The following CTNNA3 variants were observed in gnomAD, a reference collection of about 807,000 sequenced individuals.
The protein encoded by CTNNA3 is catenin alpha 3, also known as catenin alpha-3.
In CTNNA3, 76 loss-of-function variants were observed where a neutral mutation model predicts 95.7. That is an observed-to-expected ratio of 0.79 (90% confidence interval 0.66 to 0.96). The LOEUF is 0.96. Ranked by LOEUF, CTNNA3 falls within the 40% of genes least tolerant of loss-of-function variation. The pLI is 0.00. For synonymous variants in CTNNA3, 431 were observed against 374.4 expected, an observed-to-expected ratio of 1.15 and a Z score of -1.74; for missense variants, 1,191 against 1,089.8, an observed-to-expected ratio of 1.09 and a Z score of -1.31.
chr10:66,878,152 T>C (rs145535763), intron 7 of CTNNA3, among the ~76,000 whole-genome samples: 113 of 152,300 alleles, frequency 7.4e-4, no homozygotes, highest in African/African-American at 2.6e-3. Flanking sequence ...TTTTTTTCCA[T>C]GAATGGGCAT....
chr10:67,046,471 C>T (rs959563006), intron 7 of CTNNA3, among the ~76,000 whole-genome samples: 3 of 152,166 alleles, frequency 2.0e-5, no homozygotes, highest in Non-Finnish European at 4.4e-5. Flanking sequence ...AGCTAATAGA[C>T]ATTGCCACGA....
At chr10:66,797,973 C>T (rs1841277499) in intron 7 of CTNNA3, among the ~76,000 whole-genome samples, 1 of 151,840 alleles carries the variant, frequency 6.6e-6, no homozygotes, top group South Asian at 2.1e-4. Context: ...TCCATATATG[C>T]ATCCAGATTG....
At chr10:66,062,204 C>T (rs1296517095) in intron 15 of CTNNA3, among the ~76,000 whole-genome samples, 1 of 152,124 alleles carries the variant, frequency 6.6e-6, no homozygotes, top group Non-Finnish European at 1.5e-5. Flanking sequence ...GTTTAGCTAT[C>T]ATTATGTCTT....
At chr10:66,333,085 AT>A (rs2092350858) in intron 12 of CTNNA3, among the ~76,000 whole-genome samples, 1 of 151,578 alleles carries the variant, frequency 6.6e-6, no homozygotes, top group South Asian at 2.1e-4. Context: ...CCCCTTTATC[AT>A]TTTTTATTGA....
At chr10:67,328,743 T>C (rs12414991) in intron 5 of CTNNA3, among the ~76,000 whole-genome samples, 7,976 of 152,280 alleles carry the variant, frequency 0.052, 244 homozygotes, top group South Asian at 0.097. Context: ...CCTTTATCTC[T>C]GAAGATGTGT....
intron 1 of CTNNA3, among the ~76,000 whole-genome samples, chr10:67,722,038 G>A (rs971256187): frequency 2.0e-5 from 3 of 152,126 alleles, no homozygotes; most frequent in Non-Finnish European, 2.9e-5. Context: ...TGGTCTTGCC[G>A]GGAGCTGCAG....
intron 15 of CTNNA3, among the ~76,000 whole-genome samples, chr10:66,065,085 A>C (rs1334165798): frequency 6.6e-6 from 1 of 152,176 alleles, no homozygotes; most frequent in Non-Finnish European, 1.5e-5. Context: ...GGAAAGTAAT[A>C]TAGAGTGATA....
chr10:66,191,270 G>A (rs995461959), intron 13 of CTNNA3, among the ~76,000 whole-genome samples: 25 of 151,994 alleles, frequency 1.6e-4, no homozygotes, highest in African/African-American at 6.0e-4. Flanking sequence ...AGAAATAAGG[G>A]TCTCCAGGAA....
chr10:65,947,446 C>G (rs2077535623), intron 17 of CTNNA3, among the ~76,000 whole-genome samples: 1 of 152,084 alleles, frequency 6.6e-6, no homozygotes. Flanking sequence ...TAATAATAAT[C>G]ACAAATATTT....
At chr10:67,323,400 G>A (rs1841405288) in intron 5 of CTNNA3, among the ~76,000 whole-genome samples, 1 of 152,134 alleles carries the variant, frequency 6.6e-6, no homozygotes, top group Non-Finnish European at 1.5e-5. Flanking sequence ...TGTATACGGT[G>A]TAAGGAAGGG....
At chr10:66,281,892 T>C (rs561899229) in intron 12 of CTNNA3, among the ~76,000 whole-genome samples, 23 of 151,922 alleles carry the variant, frequency 1.5e-4, no homozygotes, top group African/African-American at 5.3e-4. Flanking sequence ...GCTGACATTA[T>C]CCACTGTGCT....
intron 17 of CTNNA3, among the ~76,000 whole-genome samples, chr10:65,962,170 C>T (rs546178730): frequency 6.6e-6 from 1 of 152,230 alleles, no homozygotes; most frequent in South Asian, 2.1e-4. Flanking sequence ...AACATATTTT[C>T]ACTGGATGGT....
chr10:66,281,059 T>C (rs2091483189), intron 12 of CTNNA3, among the ~76,000 whole-genome samples: 2 of 151,896 alleles, frequency 1.3e-5, no homozygotes, highest in Non-Finnish European at 2.9e-5. Context: ...GCAATTGAGT[T>C]GCTAAACAGA....
At chr10:67,453,169 A>G (rs753240842) in intron 5 of CTNNA3, among the ~76,000 whole-genome samples, 14 of 152,162 alleles carry the variant, frequency 9.2e-5, no homozygotes, top group Non-Finnish European at 1.8e-4. Flanking sequence ...GCCAGTTACC[A>G]AGTGGAGAGA....
chr10:67,462,975 G>T (rs1377804181), intron 5 of CTNNA3, among the ~76,000 whole-genome samples: 3 of 151,278 alleles, frequency 2.0e-5, no homozygotes, highest in Non-Finnish European at 4.4e-5. Flanking sequence ...CATGACCTCG[G>T]CTCACTGCAA....
intron 12 of CTNNA3, among the ~76,000 whole-genome samples, chr10:66,306,624 T>C (rs2091938227): frequency 6.6e-6 from 1 of 152,166 alleles, no homozygotes; most frequent in Non-Finnish European, 1.5e-5. Flanking sequence ...TACTGGCATA[T>C]GCAAGGGTAA....
chr10:66,493,913 T>A (rs561535824), intron 11 of CTNNA3, among the ~76,000 whole-genome samples: 1 of 128,382 alleles, frequency 7.8e-6, no homozygotes, highest in East Asian at 2.5e-4. Context: ...CTTTTTTTTT[T>A]TTTTTTTTTT....
intron 7 of CTNNA3, among the ~76,000 whole-genome samples, chr10:67,025,255 C>T (rs1853296128): frequency 6.6e-6 from 1 of 151,504 alleles, no homozygotes; most frequent in African/African-American, 2.4e-5. Context: ...AAGACTCATT[C>T]AGTTAACTAA....
chr10:67,524,959 C>A (rs1299198543), intron 4 of CTNNA3, among the ~76,000 whole-genome samples: 1 of 152,072 alleles, frequency 6.6e-6, no homozygotes, highest in Non-Finnish European at 1.5e-5. Context: ...TATATTTGTT[C>A]AGTACATGAT....
Sources: gnomAD v4.1 joint callset for allele counts (sites outside exome capture counted in the v4.1 genomes callset) on GRCh38, gnomAD v4.1.1 for gene constraint, MANE v1.5 for transcripts, NCBI Gene and HGNC (gene_info 2026-07-23, HGNC 2026-07-21) for gene names.